The following ZMYND11 variants were observed in gnomAD, a reference collection of about 807,000 sequenced individuals.
ZMYND11 encodes the protein zinc finger MYND-type containing 11, also known as zinc finger MYND domain-containing protein 11.
ZMYND11 carries 9 observed loss-of-function variants against 84.9 expected under a neutral mutation model. The ratio of observed to expected loss-of-function variants is 0.11; its 90% CI spans 0.06 to 0.18. The LOEUF is 0.18. Ranked by LOEUF, ZMYND11 falls within the 10% of genes least tolerant of loss-of-function variation. ZMYND11 has a pLI of 1.00. For synonymous variants in ZMYND11, 250 were observed against 244.1 expected, an observed-to-expected ratio of 1.02 and a Z score of -0.23; for missense variants, 409 against 761.0, an observed-to-expected ratio of 0.54 and a Z score of 5.44.
intron 6 of ZMYND11, 26 bp from the exon 7 acceptor site, chr10:239,412 G>A (rs758421877): frequency 2.1e-5 from 33 of 1,594,940 alleles, no homozygotes; most frequent in African/African-American, 5.4e-5. Flanking sequence ...AACTCTTTTC[G>A]TCATTCTGTT....
chr10:138,667 T>A (rs1218272151), intron 1 of ZMYND11, among the ~76,000 whole-genome samples: 1 of 152,052 alleles, frequency 6.6e-6, no homozygotes, highest in Non-Finnish European at 1.5e-5. Flanking sequence ...AACCCTCTGG[T>A]ATCAGATTTT....
chr10:241,263 C>G (rs1008642240), intron 9 of ZMYND11, among the ~76,000 whole-genome samples: 1 of 152,126 alleles, frequency 6.6e-6, no homozygotes, highest in Admixed American at 6.5e-5. Context: ...GTAGCCTTGA[C>G]CTCCTCCAGG....
chr10:202,475 C>T (rs749817458), intron 2 of ZMYND11, among the ~76,000 whole-genome samples: 41 of 152,200 alleles, frequency 2.7e-4, no homozygotes, highest in Middle Eastern at 3.4e-3. Flanking sequence ...GATGACACTT[C>T]TAATATATAC....
intron 10 of ZMYND11, among the ~76,000 whole-genome samples, chr10:242,407 G>C (rs1951174936): frequency 6.6e-6 from 1 of 152,152 alleles, no homozygotes; most frequent in African/African-American, 2.4e-5. Context: ...GTGGGCAGAA[G>C]GGCCTCAGAA....
intron 1 of ZMYND11, among the ~76,000 whole-genome samples, chr10:168,742 C>T (rs1325790831): frequency 6.6e-6 from 1 of 152,018 alleles, no homozygotes; most frequent in Admixed American, 6.5e-5. Flanking sequence ...TACTGCTGCA[C>T]CAAAAATTGG....
chr10:230,021 T>C (rs984166782), intron 4 of ZMYND11, among the ~76,000 whole-genome samples: 1 of 151,322 alleles, frequency 6.6e-6, no homozygotes, highest in African/African-American at 2.4e-5. Flanking sequence ...TCTAAGAGAA[T>C]TTATTTTGAT....
intron 4 of ZMYND11, among the ~76,000 whole-genome samples, chr10:233,929 T>G (rs187869936): frequency 2.0e-5 from 3 of 152,212 alleles, no homozygotes; most frequent in Admixed American, 6.5e-5. Flanking sequence ...GAACCAAGTT[T>G]ATGAGAGCGT....
intron 1 of ZMYND11, among the ~76,000 whole-genome samples, chr10:137,199 C>A (rs1288516907): frequency 6.6e-6 from 1 of 151,886 alleles, no homozygotes; most frequent in African/African-American, 2.4e-5. Context: ...TACACAGTAC[C>A]CACTGTCATA....
intron 1 of ZMYND11, among the ~76,000 whole-genome samples, chr10:155,634 C>T (rs1364459277): frequency 6.6e-6 from 1 of 152,188 alleles, no homozygotes; most frequent in Non-Finnish European, 1.5e-5. Context: ...TGATGTTTGG[C>T]TTCGCTAGTA....
chr10:231,633 A>G (rs1353757454), intron 4 of ZMYND11, among the ~76,000 whole-genome samples: 4 of 152,314 alleles, frequency 2.6e-5, no homozygotes, highest in Admixed American at 6.5e-5. Flanking sequence ...GGAGTGGCCA[A>G]TAGTGTCTTC....
chr10:178,271 T>A (rs1159127640), intron 1 of ZMYND11, among the ~76,000 whole-genome samples: 1 of 152,250 alleles, frequency 6.6e-6, no homozygotes. Context: ...TATACAGTTT[T>A]AACTACTTCA....
At chr10:187,372 C>T (rs1223196765) in intron 2 of ZMYND11, among the ~76,000 whole-genome samples, 2 of 152,188 alleles carry the variant, frequency 1.3e-5, no homozygotes, top group African/African-American at 4.8e-5. Context: ...CGGTGGCTCA[C>T]GCCTGTAATC....
At chr10:191,280 C>G (rs1267445689) in intron 2 of ZMYND11, among the ~76,000 whole-genome samples, 1 of 152,206 alleles carries the variant, frequency 6.6e-6, no homozygotes, top group Non-Finnish European at 1.5e-5. Context: ...ATAGATCCAT[C>G]TGATATTGGA....
chr10:233,658 T>G (rs1431920495), intron 4 of ZMYND11, among the ~76,000 whole-genome samples: 2 of 152,228 alleles, frequency 1.3e-5, no homozygotes, highest in Non-Finnish European at 2.9e-5. Context: ...CCTTTCATGC[T>G]TTACTCACTC....
chr10:160,819 A>T (rs1842784603), intron 1 of ZMYND11, among the ~76,000 whole-genome samples: 1 of 152,140 alleles, frequency 6.6e-6, no homozygotes, highest in Admixed American at 6.6e-5. Flanking sequence ...CTCGACTTCT[A>T]ATTCTAGGGC....
At chr10:142,338 C>T (rs782301809) in intron 1 of ZMYND11, among the ~76,000 whole-genome samples, 4 of 152,172 alleles carry the variant, frequency 2.6e-5, no homozygotes, top group Non-Finnish European at 5.9e-5. Context: ...AGCGAACCAC[C>T]TGACTCGTTC....
chr10:224,611 A>G (rs1361128460), intron 4 of ZMYND11, among the ~76,000 whole-genome samples: 1 of 152,234 alleles, frequency 6.6e-6, no homozygotes, highest in Admixed American at 6.5e-5. Flanking sequence ...ATAGTAGGTA[A>G]TATTCTCACA....
intron 1 of ZMYND11, among the ~76,000 whole-genome samples, chr10:168,973 C>A: frequency 6.6e-6 from 1 of 152,084 alleles, no homozygotes; most frequent in East Asian, 1.9e-4. Flanking sequence ...AGGAGCTTGA[C>A]CTCACAGTGA....
intron 2 of ZMYND11, among the ~76,000 whole-genome samples, chr10:186,462 G>A (rs1020501171): frequency 2.0e-5 from 3 of 151,702 alleles, no homozygotes; most frequent in African/African-American, 7.3e-5. Flanking sequence ...CCAACATAGT[G>A]AAACCCTGTC....
Sources: allele counts gnomAD v4.1 joint callset (sites outside exome capture counted in the v4.1 genomes callset), GRCh38; gene constraint gnomAD v4.1.1; transcripts MANE v1.5; gene names NCBI Gene and HGNC (gene_info 2026-07-23, HGNC 2026-07-21).